The following ESS2 variants were observed in gnomAD, a reference collection of about 807,000 sequenced individuals.
ESS2 encodes ess-2 spliceosome associated protein.
In ESS2, 31 loss-of-function variants were observed where a neutral mutation model predicts 52.0. That is an observed-to-expected ratio of 0.60 (90% confidence interval 0.45 to 0.81). The LOEUF (loss-of-function observed/expected upper bound fraction) is 0.81, where lower values mean the gene tolerates loss of function less well. Ranked by LOEUF, ESS2 falls within the 30% of genes least tolerant of loss-of-function variation. The probability of loss-of-function intolerance (pLI) is 0.00; values close to 1 mark genes in which losing one functional copy is unlikely to be tolerated. For synonymous variants in ESS2, 285 were observed against 259.2 expected, an observed-to-expected ratio of 1.10 and a Z score of -0.95; for missense variants, 602 against 637.2, an observed-to-expected ratio of 0.94 and a Z score of 0.59.
intron 8 of ESS2, among the ~76,000 whole-genome samples, chr22:19,136,458 G>A (rs1569106935): frequency 6.6e-6 from 1 of 152,136 alleles, no homozygotes; most frequent in African/African-American, 2.4e-5. Context: ...CACAATGTAT[G>A]CTGCTACACA....
chr22:19,144,507 T>G lies in ESS2; in HGVS notation c.134A>C (p.Glu45Ala). The change falls in exon 1 of 10, where the codon GAG (glutamate) becomes GCG (alanine). Residue 45 changes from glutamate (E) to alanine (A), a missense_variant and splice_region_variant. Physicochemically the swap from Glu to Ala is moderately radical, Grantham distance 107 (BLOSUM62 -1). Transcript: ENST00000252137. ...CCGGCGTCCGCACCGAGGTCGTACC[T>G]CGATATACTCTTCCTCGTCCAGGAC... ...QRVLDEEEYI[E>A]GLQTVIQRDF... 6.2e-7 allele frequency: 1 copy of G among 1,611,054 alleles called. No homozygotes were observed. Among genetic ancestry groups the G allele is most frequent in the Non-Finnish European group, 8.5e-7 (1 of 1,179,010 alleles).
rs1464521553 is a variant in ESS2 at position 19,131,942 on chromosome 22, T to C, written c.*2254A>G. On this transcript the variant is annotated 3_prime_UTR_variant, in exon 10 of 10. Coordinates refer to ENST00000252137, the MANE Select transcript of ESS2 (RefSeq NM_022719.3). The surrounding 1 kb of genome is among the most constrained non-coding windows in gnomAD (Gnocchi z 5.7). ...AGACCTTCTGCGGGTCGGCAGCATA[T>C]GCAGCCCCCGAGGTGCTGCAGAGCA... is the stretch of plus-strand genomic sequence containing the variant. 1.2e-6 allele frequency: 2 copies of C among 1,614,048 alleles called. No individual in the cohort carries two copies. Among genetic ancestry groups the C allele is most frequent in the African/African-American group, 1.3e-5 (1 of 74,928 alleles).
In ESS2 at chr22:19,134,434, A is replaced by G. The variant is rs1413819655; in HGVS notation, c.1193T>C (p.Leu398Pro). ...KGLSPAMSPA[L>P]QRLVSRTASK... The stretch of plus-strand genomic sequence containing the variant: ...GGCCGTCCTGCTCACAAGGCGCTGT[A>G]GGGCTGGCGACATGGCTGGGCTCAG... Residue 398 changes from leucine (L) to proline (P), a missense_variant, in exon 10 of 10, where the codon CTA (leucine) becomes CCA (proline). Physicochemically the swap from Leu to Pro is moderately conservative, Grantham distance 98. Coordinates refer to ENST00000252137, the MANE Select transcript of ESS2 (RefSeq NM_022719.3). 2 of 1,592,906 alleles carry G rather than the reference A, an allele frequency of 1.3e-6. No individual in the cohort carries two copies. The highest frequency in any genetic ancestry group is 2.7e-5 in the African/African-American group (2 of 74,180).
chr22:19,137,307 C>T lies in ESS2; in HGVS notation c.1035+16G>A, dbSNP rs185091790. ...CCACCCCGGTCGCACACAGTTCCCCCATCACCACAACCCACCTTAAAAGCT... is the reference window on the plus strand; with the variant it reads ...CCACCCCGGTCGCACACAGTTCCCCTATCACCACAACCCACCTTAAAAGCT... On this transcript the variant is annotated intron_variant, in intron 8 of 9. Coordinates refer to ENST00000252137, the MANE Select transcript of ESS2 (RefSeq NM_022719.3). 4.5e-4 allele frequency: 711 copies of T among 1,595,470 alleles called. 1 individual carries two copies. The highest frequency in any genetic ancestry group is 4.3e-4 in the Non-Finnish European group (503 of 1,166,838).
At chr22:19,139,537 G>A (rs1052683546) in intron 5 of ESS2, 75 bp downstream of exon 5, 12 of 1,447,482 alleles carry the variant, frequency 8.3e-6, no homozygotes, top group Non-Finnish European at 7.8e-6. Flanking sequence ...CACCTGGAAG[G>A]CTGCTCCAAA....
At chr22:19,140,364 C>T (rs1281842851) in intron 3 of ESS2, among the ~76,000 whole-genome samples, 1 of 152,144 alleles carries the variant, frequency 6.6e-6, no homozygotes, top group Non-Finnish European at 1.5e-5. Context: ...GCTCCTCCCC[C>T]ACCAAAGTGG....
chr22:19,138,821 C>A (rs954632364), intron 6 of ESS2, among the ~76,000 whole-genome samples: 6 of 152,206 alleles, frequency 3.9e-5, no homozygotes, highest in Non-Finnish European at 5.9e-5. Context: ...CAGCCACCCC[C>A]TGGGGCTGGG....
chr22:19,131,519 C>T lies in ESS2; in HGVS notation c.*2677G>A, dbSNP rs766527353. ...AGCGCCTCAAGTTCAATGTGGCTGT[C>T]AAGATCATCGACCGCAAGAAAACAC... On this transcript the variant is annotated 3_prime_UTR_variant, in exon 10 of 10. Coordinates refer to ENST00000252137, the MANE Select transcript of ESS2 (RefSeq NM_022719.3). This position sits in a 1 kb window ranked among gnomAD's most constrained non-coding sequence, Gnocchi z 5.7. 18 of 1,614,168 alleles carry T rather than the reference C, an allele frequency of 1.1e-5. No individual in the cohort carries two copies. Among genetic ancestry groups the T allele is most frequent in the Non-Finnish European group, 1.5e-5 (18 of 1,180,040 alleles).
In ESS2 at chr22:19,134,009, G is replaced by C. The variant is rs1426673013; in HGVS notation, c.*187C>G. On this transcript the variant is annotated 3_prime_UTR_variant, in exon 10 of 10. Coordinates refer to ENST00000252137, the MANE Select transcript of ESS2 (RefSeq NM_022719.3). ...GCAAACAGCTTGGCAAGGCCCTGGG[G>C]TGTGGTGTGGGCACGAGTGCCTTGT... 3.4e-6 allele frequency: 2 copies of C among 583,312 alleles called. No homozygotes were observed. 36.1% of individuals were successfully genotyped at this position (583,312 alleles called of 1,614,324 possible).
intron 3 of ESS2, among the ~76,000 whole-genome samples, chr22:19,141,740 C>T (rs2083689652): frequency 6.6e-6 from 1 of 152,164 alleles, no homozygotes; most frequent in Non-Finnish European, 1.5e-5. Flanking sequence ...GTAATACCAG[C>T]ACTTTGGGGG....
At chr22:19,137,288 C>T (rs1435496005) in intron 8 of ESS2, 35 bp downstream of exon 8, 9 of 1,502,310 alleles carry the variant, frequency 6.0e-6, no homozygotes, top group East Asian at 2.3e-5. Flanking sequence ...GTGTCCACCC[C>T]GGTCGCACAC....
chr22:19,141,335 G>GA (rs2083682856), intron 3 of ESS2, among the ~76,000 whole-genome samples: 1 of 152,192 alleles, frequency 6.6e-6, no homozygotes, highest in Non-Finnish European at 1.5e-5. Context: ...AAACTGATAA[G>GA]AAAGAGTGTC....
rs746537468 is a variant in ESS2, at chr22:19,132,271, G to A, written c.*1925C>T. The stretch of plus-strand genomic sequence containing the variant: ...GCCTCCTTCAAGAGGGAGGGGGAGG[G>A]CAAGTACCGCGCTGAGTGCAAACTG... On this transcript the variant is annotated 3_prime_UTR_variant, in exon 10 of 10. Coordinates refer to ENST00000252137, the MANE Select transcript of ESS2 (RefSeq NM_022719.3). This position sits in a 1 kb window ranked among gnomAD's most constrained non-coding sequence, Gnocchi z 4.2. The A allele has an allele frequency of 6.2e-7, 1 of 1,613,072 alleles. No homozygotes were observed. The highest frequency in any genetic ancestry group is 8.5e-7 in the Non-Finnish European group (1 of 1,179,614).
At chr22:19,141,652 T>C (rs1201776803) in intron 3 of ESS2, among the ~76,000 whole-genome samples, 1 of 152,198 alleles carries the variant, frequency 6.6e-6, no homozygotes, top group Non-Finnish European at 1.5e-5. Flanking sequence ...GTGCAAGGGA[T>C]GCCAATTAGG....
intron 1 of ESS2, chr22:19,144,220 C>A (rs1403767886): frequency 1.2e-5 from 14 of 1,193,074 alleles, no homozygotes; most frequent in Non-Finnish European, 1.4e-5. Context: ...CACCATCCTT[C>A]CAGTTTGTCA....
Position 19,142,647 on chromosome 22 carries a change from G to A in ESS2, c.305-14C>T. 6.2e-7 allele frequency: 1 copy of A among 1,611,428 alleles called. No individual in the cohort carries two copies. The highest frequency in any genetic ancestry group is 8.5e-7 in the Non-Finnish European group (1 of 1,178,800). ...CTGGAGTCACATCTAGGGGAAGAGA[G>A]GGGGATAAGAATTAGAGTGAGCCTG... On this transcript the variant is annotated splice_polypyrimidine_tract_variant and intron_variant, in intron 2 of 9. Coordinates refer to ENST00000252137, the MANE Select transcript of ESS2 (RefSeq NM_022719.3).
intron 7 of ESS2, chr22:19,137,755 C>T: frequency 1.6e-5 from 16 of 985,416 alleles, no homozygotes; most frequent in Non-Finnish European, 1.9e-5. Flanking sequence ...CCAGGCAAAC[C>T]TGTGGTGCCT....
rs553938475 is a variant in ESS2, at chr22:19,137,668, AAGCCTCTGGGAGGTCTCCCCC to A, written c.926-257_926-237del. 39 of 916,470 alleles carry A rather than the reference AAGCCTCTGGGAGGTCTCCCCC, an allele frequency of 4.3e-5. No homozygotes were observed. The South Asian group carries it at 1.1e-3, about 26-fold the overall frequency. The allele number at this position is 916,470 out of a possible 1,614,324, so 56.8% of individuals were successfully genotyped here. A position where few individuals can be genotyped will look rare whatever the true frequency, so the allele number is the denominator to read the frequency against. On this transcript the variant is annotated intron_variant, in intron 7 of 9. Transcript: ENST00000252137. ...CCCTACAGCCATGTGCTTAGCCTAC[AAGCCTCTGGGAGGTCTCCCCC>A]AGCCACGCAGGAGGAGACACTCAGG...
chr22:19,136,855 C>T (rs981085371), intron 8 of ESS2, among the ~76,000 whole-genome samples: 13 of 152,114 alleles, frequency 8.5e-5, no homozygotes, highest in Non-Finnish European at 2.9e-5. Flanking sequence ...GTATCTGACC[C>T]AGCCCACGAA....
Sources: gnomAD v4.1 joint callset for allele counts (sites outside exome capture counted in the v4.1 genomes callset) on GRCh38, gnomAD v4.1.1 for gene constraint, Gnocchi (gnomAD v3.1) non-coding constraint, MANE v1.5 for transcripts, NCBI Gene and HGNC (gene_info 2026-07-23, HGNC 2026-07-21) for gene names.